ECT2L: variants seen among roughly 807,000 people sequenced by gnomAD.
The protein encoded by ECT2L is epithelial cell-transforming sequence 2 oncogene-like.
Under a neutral mutation model 122.8 loss-of-function variants are expected in ECT2L, and 126 were observed. The observed-to-expected ratio is 1.03, with a 90% CI of 0.89 to 1.19. The LOEUF (loss-of-function observed/expected upper bound fraction) is 1.19, where lower values mean the gene tolerates loss of function less well. ECT2L is among the 50% of genes most tolerant of loss of function. The probability of loss-of-function intolerance (pLI) is 0.00; values close to 1 mark genes in which losing one functional copy is unlikely to be tolerated. For synonymous variants in ECT2L, 385 were observed against 381.8 expected, an observed-to-expected ratio of 1.01 and a Z score of -0.10; for missense variants, 1,012 against 1,064.1, an observed-to-expected ratio of 0.95 and a Z score of 0.68.
intron 4 of ECT2L, among the ~76,000 whole-genome samples, chr6:138,821,565 G>A (rs2128377925): frequency 6.6e-6 from 1 of 152,352 alleles, no homozygotes; most frequent in African/African-American, 2.4e-5. Context: ...GCTTTTCAGA[G>A]CTGTGGTGTC....
intron 13 of ECT2L, among the ~76,000 whole-genome samples, chr6:138,869,980 T>C (rs1778191152): frequency 6.6e-6 from 1 of 152,156 alleles, no homozygotes; most frequent in South Asian, 2.1e-4. Context: ...GTACATATGG[T>C]AACTGGAATA....
chr6:138,822,350 T>C (rs1776295198), intron 4 of ECT2L, among the ~76,000 whole-genome samples: 1 of 152,036 alleles, frequency 6.6e-6, no homozygotes, highest in Non-Finnish European at 1.5e-5. Flanking sequence ...GCTTAGGAGT[T>C]CAAGACCAGC....
At chr6:138,815,866 T>C (rs1000925944) in intron 4 of ECT2L, among the ~76,000 whole-genome samples, 2 of 152,208 alleles carry the variant, frequency 1.3e-5, no homozygotes, top group Admixed American at 1.3e-4. Flanking sequence ...TTCTTACATG[T>C]TTTCCTGCCA....
intron 20 of ECT2L, among the ~76,000 whole-genome samples, chr6:138,892,079 T>G (rs1037357961): frequency 1.3e-5 from 2 of 152,238 alleles, no homozygotes; most frequent in Non-Finnish European, 2.9e-5. Flanking sequence ...GATTTGCCTT[T>G]TGTAACTGTC....
chr6:138,831,995 T>A (rs1776662824), intron 4 of ECT2L, among the ~76,000 whole-genome samples: 1 of 152,080 alleles, frequency 6.6e-6, no homozygotes, highest in African/African-American at 2.4e-5. Flanking sequence ...CTCCTATGGA[T>A]AATAGTGCAT....
At chr6:138,874,612 C>G (rs911716063) in intron 13 of ECT2L, among the ~76,000 whole-genome samples, 1 of 152,244 alleles carries the variant, frequency 6.6e-6, no homozygotes, top group African/African-American at 2.4e-5. Flanking sequence ...CATGATGACA[C>G]CTGAATTTTA....
intron 1 of ECT2L, among the ~76,000 whole-genome samples, chr6:138,809,053 A>G (rs1256373732): frequency 1.3e-5 from 2 of 152,034 alleles, no homozygotes; most frequent in Admixed American, 6.6e-5. Flanking sequence ...ATTATTATAC[A>G]TTTTATTTTA....
At chr6:138,853,086 G>A (rs971122595) in intron 9 of ECT2L, among the ~76,000 whole-genome samples, 3 of 152,080 alleles carry the variant, frequency 2.0e-5, no homozygotes, top group African/African-American at 7.2e-5. Context: ...TTCTGCCTCA[G>A]CCTCCTGAGT....
intron 13 of ECT2L, among the ~76,000 whole-genome samples, chr6:138,875,725 G>A (rs1303955678): frequency 2.0e-5 from 3 of 152,232 alleles, no homozygotes; most frequent in Non-Finnish European, 2.9e-5. Flanking sequence ...ACTTGGTGGT[G>A]AAAAAAGGAG....
intron 1 of ECT2L, among the ~76,000 whole-genome samples, chr6:138,810,792 T>G (rs1324820062): frequency 1.3e-5 from 2 of 152,192 alleles, no homozygotes; most frequent in African/African-American, 4.8e-5. Context: ...TAACTTGTCT[T>G]TTTAGTTCAA....
At chr6:138,867,999 CAA>C (rs754296302) in intron 12 of ECT2L, 102 bp from the exon 13 acceptor site, 7,956 of 330,140 alleles carry the variant, frequency 0.024, no homozygotes, top group East Asian at 0.058. Flanking sequence ...GATTCTGTCT[CAA>C]AAAAAAAAAA....
chr6:138,891,880 A>G (rs1419725550), intron 20 of ECT2L, among the ~76,000 whole-genome samples: 2 of 152,120 alleles, frequency 1.3e-5, no homozygotes, highest in Admixed American at 1.3e-4. Context: ...AATGACGAAG[A>G]CTTTCTCTTT....
In ECT2L at chr6:138,813,307, G is replaced by A; in HGVS notation, c.33G>A (p.Trp11Ter). Residue 11 changes from tryptophan to a stop codon, truncating the protein, a stop_gained, in exon 3 of 22, where the codon TGG becomes TGA. Coordinates refer to ENST00000541398, the MANE Select transcript of ECT2L (RefSeq NM_001077706.3). LOFTEE classifies it high-confidence loss of function. ...GCTTCCACACCAGATTTAGTGCCTGGACACCTTTTAGCAACAAGTCATTAA... is the reference window on the plus strand; with the variant it reads ...GCTTCCACACCAGATTTAGTGCCTGAACACCTTTTAGCAACAAGTCATTAA... The part of the protein sequence containing the change: MESFHTRFSA[W>*]TPFSNKSLNR... 1 of 1,612,262 alleles carries A rather than the reference G, an allele frequency of 6.2e-7. No individual in the cohort carries two copies. Among genetic ancestry groups the A allele is most frequent in the Admixed American group, 1.7e-5 (1 of 59,514 alleles).
At chr6:138,830,174 G>T (rs889152928) in intron 4 of ECT2L, among the ~76,000 whole-genome samples, 5 of 152,154 alleles carry the variant, frequency 3.3e-5, no homozygotes, top group Non-Finnish European at 5.9e-5. Flanking sequence ...AAAGACATAT[G>T]GTTACAGAAG....
At chr6:138,882,162 A>T (rs1483594644) in intron 15 of ECT2L, among the ~76,000 whole-genome samples, 3 of 152,214 alleles carry the variant, frequency 2.0e-5, no homozygotes, top group Non-Finnish European at 4.4e-5. Flanking sequence ...TGCCTGTGGT[A>T]AAAGGAGGCA....
intron 1 of ECT2L, among the ~76,000 whole-genome samples, chr6:138,800,947 C>T (rs1490293381): frequency 1.3e-5 from 2 of 152,086 alleles, no homozygotes; most frequent in South Asian, 2.1e-4. Context: ...TTGCATTCTC[C>T]GCAGGGGAGG....
intron 4 of ECT2L, among the ~76,000 whole-genome samples, chr6:138,820,875 G>A (rs1179742294): frequency 1.3e-5 from 2 of 152,192 alleles, no homozygotes; most frequent in Non-Finnish European, 2.9e-5. Flanking sequence ...TCTACCAAAG[G>A]AAAGTTCACA....
intron 1 of ECT2L, among the ~76,000 whole-genome samples, chr6:138,804,155 T>G (rs1322469230): frequency 6.6e-6 from 1 of 152,222 alleles, no homozygotes; most frequent in Non-Finnish European, 1.5e-5. Flanking sequence ...AAAATCTTCC[T>G]CTCTGACATC....
chr6:138,893,097 T>G (rs1407807436), intron 20 of ECT2L, among the ~76,000 whole-genome samples: 1 of 151,892 alleles, frequency 6.6e-6, no homozygotes, highest in Non-Finnish European at 1.5e-5. Context: ...AGGAGAAACA[T>G]TCTATAGTTC....
Sources: allele counts gnomAD v4.1 joint callset (sites outside exome capture counted in the v4.1 genomes callset), GRCh38; gene constraint gnomAD v4.1.1; transcripts MANE v1.5; gene names NCBI Gene and HGNC (gene_info 2026-07-23, HGNC 2026-07-21).